DNAH12: variants seen among roughly 807,000 people sequenced by gnomAD.
The protein encoded by DNAH12 is axonemal beta dynein heavy chain 12.
A neutral mutation model predicts 371.5 loss-of-function variants in DNAH12; 285 were observed. The ratio of observed to expected loss-of-function variants is 0.77; its 90% CI spans 0.70 to 0.85. The LOEUF is 0.85. Among genes scored for constraint, DNAH12 ranks in the 40% least tolerant of loss-of-function variants. The pLI is 0.00. For missense variants in DNAH12, 3,611 were observed against 3,689.4 expected (o/e 0.98, Z 0.55); for synonymous variants, 1,200 against 1,213.0 (o/e 0.99, Z 0.22).
chr3:57,361,400 CTATA>C (rs1305154719), intron 58 of DNAH12, among the ~76,000 whole-genome samples: 2 of 143,010 alleles, frequency 1.4e-5, no homozygotes, highest in African/African-American at 5.4e-5. Flanking sequence ...TACATACGCA[CTATA>C]TATATATACA....
At chr3:57,519,825 G>C (rs879210544) in intron 4 of DNAH12, 1 of 1,272,482 alleles carries the variant, frequency 7.9e-7, no homozygotes, top group Non-Finnish European at 1.2e-6. Flanking sequence ...CTTGACATCT[G>C]AGACAGGCAT....
chr3:57,311,198 C>G (rs2061576986), intron 66 of DNAH12, among the ~76,000 whole-genome samples: 1 of 152,136 alleles, frequency 6.6e-6, no homozygotes, highest in South Asian at 2.1e-4. Flanking sequence ...GCCTCAGCCT[C>G]CCAGGTAGCT....
At chr3:57,501,096 C>A (rs1049441325) in intron 11 of DNAH12, among the ~76,000 whole-genome samples, 1 of 152,110 alleles carries the variant, frequency 6.6e-6, no homozygotes, top group Non-Finnish European at 1.5e-5. Context: ...TTTATTTTTG[C>A]ATCACCAAAT....
rs142918171 is a variant in DNAH12 at position 57,350,514 on chromosome 3, A to G, written c.9674+1571T>C. Among the ~76,000 whole-genome samples the G allele has an allele frequency of 1.3e-3, 202 of 152,294 alleles. 1 individual carries two copies. The highest frequency in any genetic ancestry group is 4.7e-3 in the African/African-American group (197 of 41,560). ...AAAATTTGACATTTCCTTAGACCAC[A>G]CACACACATCAGTTGCATGTGGCTT... On this transcript the variant is annotated intron_variant, in intron 60 of 73. Coordinates refer to ENST00000495027, the MANE Select transcript of DNAH12 (RefSeq NM_001366028.2).
At chr3:57,345,109 AAAT>A (rs781930951) in intron 60 of DNAH12, among the ~76,000 whole-genome samples, 7 of 152,158 alleles carry the variant, frequency 4.6e-5, no homozygotes, top group South Asian at 2.1e-4. Flanking sequence ...GTTATCAAGG[AAAT>A]AATAAGAAAA....
At chr3:57,426,818 G>C (rs2064783925) in intron 34 of DNAH12, among the ~76,000 whole-genome samples, 3 of 132,772 alleles carry the variant, frequency 2.3e-5, no homozygotes, top group Middle Eastern at 4.2e-3. Flanking sequence ...GATAAAGAGA[G>C]ACTGTCTCAG....
intron 35 of DNAH12, among the ~76,000 whole-genome samples, chr3:57,424,681 G>A (rs964716796): frequency 1.9e-4 from 28 of 151,270 alleles, no homozygotes; most frequent in Non-Finnish European, 2.5e-4. Context: ...GAGGCTGAGG[G>A]AGGAGAATCA....
intron 2 of DNAH12, among the ~76,000 whole-genome samples, chr3:57,541,143 G>T (rs1053974746): frequency 6.6e-6 from 1 of 151,638 alleles, no homozygotes; most frequent in Non-Finnish European, 1.5e-5. Flanking sequence ...AGGTTCAAGA[G>T]ATTCTCCTGC....
rs1040399826 is a variant in DNAH12 at position 57,419,472 on chromosome 3, T to C, written c.5609A>G (p.Asn1870Ser). 5 of 1,488,120 alleles carry C rather than the reference T, an allele frequency of 3.4e-6. No homozygotes were observed. The highest frequency in any genetic ancestry group is 2.6e-5 in the Admixed American group (1 of 38,620). 92.2% of individuals were successfully genotyped at this position (1,488,120 alleles called of 1,614,324 possible). ...GATTTGTTTATCTCCTAAATTAGTATTTTTAATTAATTCATTCCAATGGAC... is the reference window on the plus strand; with the variant it reads ...GATTTGTTTATCTCCTAAATTAGTACTTTTAATTAATTCATTCCAATGGAC... ...RWVHWNELIKNTNLGDKQIKI... is the reference protein window; with the variant it reads ...RWVHWNELIKSTNLGDKQIKI... The change falls in exon 37 of 74, where the codon AAT (asparagine) becomes AGT (serine). Residue 1870 changes from asparagine (N) to serine (S), a missense_variant. Physicochemically the swap from Asn to Ser is conservative, Grantham distance 46. Around this residue, in one of 3 missense-constraint regions of DNAH12, gnomAD observed 2,266 missense variants for 2,236.9 expected, o/e 1.01. Coordinates refer to ENST00000495027, the MANE Select transcript of DNAH12 (RefSeq NM_001366028.2).
chr3:57,412,726 A>T (rs868979103), intron 39 of DNAH12, among the ~76,000 whole-genome samples: 2 of 152,194 alleles, frequency 1.3e-5, no homozygotes, highest in African/African-American at 4.8e-5. Flanking sequence ...ATGCAAATTA[A>T]AACAATGAAA....
rs1158185381 is a variant in DNAH12 at position 57,470,650 on chromosome 3, A to C, written c.1912-14T>G. 4.0e-6 allele frequency: 6 copies of C among 1,514,212 alleles called. No individual in the cohort carries two copies. Among genetic ancestry groups the C allele is most frequent in the South Asian group, 1.3e-5 (1 of 76,534 alleles). 93.8% of individuals were successfully genotyped at this position (1,514,212 alleles called of 1,614,324 possible). On this transcript the variant is annotated splice_polypyrimidine_tract_variant and intron_variant, in intron 15 of 73. Coordinates refer to ENST00000495027, the MANE Select transcript of DNAH12 (RefSeq NM_001366028.2). ...ATCTGTCACATACTGAAAGTAAATA[A>C]GTTTTTTGTCTTAAAAAAAATTCAA...
intron 34 of DNAH12, among the ~76,000 whole-genome samples, chr3:57,426,528 G>A (rs1052619449): frequency 6.6e-6 from 1 of 151,910 alleles, no homozygotes; most frequent in African/African-American, 2.4e-5. Context: ...ATCAAGAAGG[G>A]AAAATCAATA....
At chr3:57,370,516 C>A (rs1019024466) in intron 55 of DNAH12, among the ~76,000 whole-genome samples, 3 of 152,136 alleles carry the variant, frequency 2.0e-5, no homozygotes, top group Admixed American at 6.6e-5. Flanking sequence ...CTGCTCTCAA[C>A]CATTGCACAA....
intron 69 of DNAH12, among the ~76,000 whole-genome samples, chr3:57,304,923 C>T (rs191984933): frequency 1.7e-4 from 26 of 151,924 alleles, no homozygotes; most frequent in African/African-American, 6.3e-4. Flanking sequence ...GCCTCCTTCA[C>T]CATGGGCAGC....
chr3:57,352,301 CTT>C, intron 59 of DNAH12, 76 bp from the exon 60 acceptor site: 1 of 1,390,106 alleles, frequency 7.2e-7, no homozygotes. Context: ...AACATATACA[CTT>C]TTTATTTTAT....
At chr3:57,407,401 A>G (rs143916005) in intron 40 of DNAH12, among the ~76,000 whole-genome samples, 301 of 152,068 alleles carry the variant, frequency 2.0e-3, no homozygotes, top group African/African-American at 6.9e-3. Context: ...ATTATGTTTT[A>G]TAAATAGAAG....
At chr3:57,532,255 C>T (rs569539279) in intron 2 of DNAH12, among the ~76,000 whole-genome samples, 17 of 152,170 alleles carry the variant, frequency 1.1e-4, no homozygotes, top group Middle Eastern at 3.4e-3. Flanking sequence ...TGTGTTATCT[C>T]GAATTTCTTT....
chr3:57,528,952 C>T (rs2068744230), intron 2 of DNAH12, among the ~76,000 whole-genome samples: 1 of 151,556 alleles, frequency 6.6e-6, no homozygotes, highest in Admixed American at 6.6e-5. Context: ...AGGTTCCCAC[C>T]ACCATACCAG....
chr3:57,396,273 C>T (rs1411625858), intron 43 of DNAH12, among the ~76,000 whole-genome samples: 1 of 61,808 alleles, frequency 1.6e-5, no homozygotes, highest in Admixed American at 3.0e-4. Flanking sequence ...GGCAAGACTG[C>T]ATCTCAAAAA....
Sources: gnomAD v4.1 joint callset for allele counts (sites outside exome capture counted in the v4.1 genomes callset) on GRCh38, gnomAD v4.1.1 for gene constraint, gnomAD v4.1.1 regional missense constraint, MANE v1.5 for transcripts, NCBI Gene and HGNC (gene_info 2026-07-23, HGNC 2026-07-21) for gene names.